Variants in VIP observed in about 807,000 individuals in gnomAD.
VIP encodes the protein vasoactive intestinal peptide.
Under a neutral mutation model 20.1 loss-of-function variants are expected in VIP, and 18 were observed. That is an observed-to-expected ratio of 0.90 (90% confidence interval 0.62 to 1.33). The LOEUF (loss-of-function observed/expected upper bound fraction) is 1.33. VIP is among the 40% of genes most tolerant of loss of function. VIP has a pLI of 0.00. For synonymous variants in VIP, 70 were observed against 68.1 expected (o/e 1.03, Z -0.14); for missense variants, 209 against 199.4 (o/e 1.05, Z -0.29).
chr6:152,758,686 T>C (rs2099730778), intron 6 of VIP, among the ~76,000 whole-genome samples: 1 of 152,012 alleles, frequency 6.6e-6, no homozygotes, highest in African/African-American at 2.4e-5. Context: ...GAATCATTAA[T>C]AATGGTTAGT....
chr6:152,756,751 C>T (rs1055737715), intron 5 of VIP, among the ~76,000 whole-genome samples: 2 of 151,868 alleles, frequency 1.3e-5, no homozygotes, highest in African/African-American at 2.4e-5. Context: ...CTATATCTCT[C>T]TATGGTGTGT....
intron 3 of VIP, 33 bp from the exon 4 acceptor site, chr6:152,755,236 A>G (rs2099730247): frequency 7.0e-7 from 1 of 1,428,172 alleles, no homozygotes; most frequent in African/African-American, 1.4e-5. Flanking sequence ...GCCATTTACA[A>G]AATAATAGCT....
chr6:152,754,254 G>A lies in VIP; in HGVS notation c.196G>A (p.Ala66Thr), dbSNP rs1430645759. The change falls in exon 3 of 7, where the codon GCT becomes ACT. Residue 66 changes from alanine to threonine, a missense_variant. By Grantham distance (58) the Ala-to-Thr change is moderately conservative (BLOSUM62 0). Transcript: ENST00000367244. ...EDIDMLQNALAENDTPYYDVS... is the reference protein window; with the variant it reads ...EDIDMLQNALTENDTPYYDVS... ...CATTGACATGTTGCAAAATGCATTA[G>A]CTGAAAATGACACACCCTATTATGA... 2 of 1,611,304 alleles carry A rather than the reference G, an allele frequency of 1.2e-6. No individual in the cohort carries two copies. The highest frequency in any genetic ancestry group is 4.5e-5 in the East Asian group (2 of 44,766).
intron 6 of VIP, among the ~76,000 whole-genome samples, chr6:152,757,684 A>G (rs1175035707): frequency 1.3e-5 from 2 of 151,998 alleles, no homozygotes; most frequent in Non-Finnish European, 2.9e-5. Flanking sequence ...TCCTTGAAAC[A>G]TGGCAAACTT....
chr6:152,756,263 G>A lies in VIP; in HGVS notation c.465G>A (p.Arg155=). 1 of 1,604,080 alleles carries A rather than the reference G, an allele frequency of 6.2e-7. No individual in the cohort carries two copies. Among genetic ancestry groups the A allele is most frequent in the Non-Finnish European group, 8.5e-7 (1 of 1,176,132 alleles). ...TGAACTCAATTCTGAATGGAAAGAG[G>A]AGGTAAAGAAAAAGAGAACTTGCTA... ...KYLNSILNGK[R]SSEGESPDFP... is the part of the protein sequence containing the mutation. Residue 155 remains arginine, a splice_region_variant and synonymous_variant, in exon 5 of 7, where the codon AGG becomes AGA. Transcript: ENST00000367244.
In VIP at chr6:152,757,186, T is replaced by C. The variant is rs891188075; in HGVS notation, c.*43+2T>C. 1 of 1,589,174 alleles carries C rather than the reference T, an allele frequency of 6.3e-7. No homozygotes were observed. The highest frequency in any genetic ancestry group is 8.6e-7 in the Non-Finnish European group (1 of 1,160,048). ...AAAGCTGATGACAACTTCCCAGTGGTGGGTATATTCGTGCATTCCTTCTGT... is the reference window on the plus strand; with the variant it reads ...AAAGCTGATGACAACTTCCCAGTGGCGGGTATATTCGTGCATTCCTTCTGT... On this transcript the variant is annotated splice_donor_variant, in intron 6 of 6. Coordinates refer to ENST00000367244, the MANE Select transcript of VIP (RefSeq NM_003381.4). LOFTEE classifies it low-confidence loss of function (3UTR_SPLICE).
chr6:152,752,447 C>T (rs2099729786), intron 2 of VIP, among the ~76,000 whole-genome samples, 163 bp downstream of exon 2: 1 of 152,074 alleles, frequency 6.6e-6, no homozygotes, highest in South Asian at 2.1e-4. Flanking sequence ...TCAGGTCATT[C>T]TGAGTCCTGG....
chr6:152,751,677 T>A (rs574034850), intron 1 of VIP, among the ~76,000 whole-genome samples: 3 of 152,244 alleles, frequency 2.0e-5, no homozygotes, highest in South Asian at 2.1e-4. Context: ...AAATCTTTTT[T>A]AAAATTATAT....
In VIP at chr6:152,755,267, A is replaced by T; in HGVS notation, c.231-2A>T. ...TAGCTATTTTTTTCTTCCTTGTTTT[A>T]GAAATGCCAGGCATGCTGATGGAGT... On this transcript the variant is annotated splice_acceptor_variant, in intron 3 of 6. Coordinates refer to ENST00000367244, the MANE Select transcript of VIP (RefSeq NM_003381.4). LOFTEE classifies it high-confidence loss of function. 1 of 1,556,674 alleles carries T rather than the reference A, an allele frequency of 6.4e-7. No homozygotes were observed. Among genetic ancestry groups the T allele is most frequent in the Non-Finnish European group, 8.7e-7 (1 of 1,154,866 alleles).
At chr6:152,752,111 A>T in intron 1 of VIP, 57 bp from the exon 2 acceptor site, 1 of 1,294,420 alleles carries the variant, frequency 7.7e-7, no homozygotes, top group Non-Finnish European at 1.1e-6. Context: ...GACAATCAGA[A>T]TTACCTTGCT....
intron 1 of VIP, among the ~76,000 whole-genome samples, chr6:152,751,622 T>G (rs765833911): frequency 6.6e-6 from 1 of 152,142 alleles, no homozygotes; most frequent in Non-Finnish European, 1.5e-5. Flanking sequence ...GAAATAAGTT[T>G]CCGTAATATC....
rs1264513107 is a variant in VIP at position 152,759,221 on chromosome 6, T to C, written c.*355T>C. ...TGAGACGTTTTTGGAAGAGTAGTAA[T>C]AGAGCAAAATTGATGTGTTTATTTA... is the stretch of plus-strand genomic sequence containing the variant. On this transcript the variant is annotated 3_prime_UTR_variant, in exon 7 of 7. Coordinates refer to ENST00000367244, the MANE Select transcript of VIP (RefSeq NM_003381.4). 1.3e-5 allele frequency: 2 copies of C among 152,036 alleles called. No homozygotes were observed. Among genetic ancestry groups the C allele is most frequent in the African/African-American group, 2.4e-5 (1 of 41,424 alleles). The allele number at this position is 152,036 out of a possible 1,614,324, so 9.4% of individuals were successfully genotyped here.
At chr6:152,755,018 T>C (rs1303561657) in intron 3 of VIP, among the ~76,000 whole-genome samples, 1 of 151,936 alleles carries the variant, frequency 6.6e-6, no homozygotes, top group Non-Finnish European at 1.5e-5. Flanking sequence ...GGAGGAATAT[T>C]GAAATGTGCT....
chr6:152,753,187 C>T (rs3823082), intron 2 of VIP, among the ~76,000 whole-genome samples: 42,709 of 151,922 alleles, frequency 0.28, 7,874 homozygotes, highest in African/African-American at 0.52. Flanking sequence ...GATAACTAAA[C>T]AAAATGGTTC....
In VIP at chr6:152,755,389, T is replaced by C; in HGVS notation, c.335+16T>C. On this transcript the variant is annotated intron_variant, in intron 4 of 6. Transcript: ENST00000367244. ...AACGTGTTAGGTAAAGAGAATTTAT[T>C]ATTTTTATAAAATATGTTATCATTA... The C allele has an allele frequency of 1.4e-6, 2 of 1,399,030 alleles. No homozygotes were observed. The highest frequency in any genetic ancestry group is 2.9e-5 in the South Asian group (2 of 69,844). 86.7% of individuals were successfully genotyped at this position (1,399,030 alleles called of 1,614,324 possible).
chr6:152,758,075 C>A (rs1002958402), intron 6 of VIP, among the ~76,000 whole-genome samples: 2 of 151,920 alleles, frequency 1.3e-5, no homozygotes, highest in African/African-American at 4.8e-5. Context: ...TATGGTAGCA[C>A]AAAAGCAGCC....
chr6:152,753,408 C>T (rs1044325783), intron 2 of VIP, among the ~76,000 whole-genome samples: 3 of 152,118 alleles, frequency 2.0e-5, no homozygotes, highest in Admixed American at 6.6e-5. Context: ...TAAGAGTTGC[C>T]GGTGATTGAA....
Position 152,756,179 on chromosome 6 carries a change from T to C in VIP, c.381T>C (p.Asp127=), listed in dbSNP as rs2099730396. Residue 127 remains aspartate (D), a synonymous_variant, in exon 5 of 7, where the codon GAT becomes GAC. Coordinates refer to ENST00000367244, the MANE Select transcript of VIP (RefSeq NM_003381.4). ...EDPVPVKRHS[D]AVFTDNYTRL... is the part of the protein sequence containing the mutation. ...CTGTACCAGTCAAACGTCACTCAGA[T>C]GCAGTCTTCACTGACAACTATACCC... 1.2e-6 allele frequency: 2 copies of C among 1,611,578 alleles called. No homozygotes were observed. Among genetic ancestry groups the C allele is most frequent in the South Asian group, 2.2e-5 (2 of 90,848 alleles).
At chr6:152,754,126 A>G (rs908126968) in intron 2 of VIP, 40 bp from the exon 3 acceptor site, 6 of 1,590,966 alleles carry the variant, frequency 3.8e-6, no homozygotes, top group Non-Finnish European at 3.4e-6. Flanking sequence ...CTGTCTTCTG[A>G]AAAAAGAATG....
Sources: allele counts gnomAD v4.1 joint callset (sites outside exome capture counted in the v4.1 genomes callset), GRCh38; gene constraint gnomAD v4.1.1; transcripts MANE v1.5; gene names NCBI Gene and HGNC (gene_info 2026-07-23, HGNC 2026-07-21).